The following AP2B1 variants were observed in gnomAD, a reference collection of about 807,000 sequenced individuals.
AP2B1 encodes the protein AP-2 complex subunit beta.
AP2B1 carries 23 observed loss-of-function variants against 102.0 expected under a neutral mutation model. The observed-to-expected ratio is 0.23, with a 90% CI of 0.16 to 0.32. The LOEUF (loss-of-function observed/expected upper bound fraction) is 0.32. AP2B1 is among the 10% of genes least tolerant of loss of function. The probability of loss-of-function intolerance (pLI) is 1.00; values close to 1 mark genes in which losing one functional copy is unlikely to be tolerated. For synonymous variants in AP2B1, 381 were observed against 421.2 expected, an observed-to-expected ratio of 0.90 and a Z score of 1.17; for missense variants, 541 against 1,157.4, an observed-to-expected ratio of 0.47 and a Z score of 7.73.
intron 21 of AP2B1, among the ~76,000 whole-genome samples, chr17:35,717,980 A>G (rs2085228694): frequency 6.6e-6 from 1 of 152,226 alleles, no homozygotes. Context: ...AGCACTAGGC[A>G]TTTGTTTGCT....
At chr17:35,629,491 C>G (rs1204223626) in intron 9 of AP2B1, among the ~76,000 whole-genome samples, 1 of 152,000 alleles carries the variant, frequency 6.6e-6, no homozygotes, top group Non-Finnish European at 1.5e-5. Flanking sequence ...TTGCATTGCT[C>G]TTTTTGTGGT....
At chr17:35,711,609 C>T (rs1347228459) in intron 20 of AP2B1, among the ~76,000 whole-genome samples, 1 of 152,124 alleles carries the variant, frequency 6.6e-6, no homozygotes, top group Non-Finnish European at 1.5e-5. Flanking sequence ...GCTGGGACTA[C>T]AGGCGCCAGC....
At chr17:35,598,673 A>G (rs564703378) in intron 3 of AP2B1, among the ~76,000 whole-genome samples, 1 of 152,374 alleles carries the variant, frequency 6.6e-6, no homozygotes, top group Admixed American at 6.5e-5. Flanking sequence ...ACTGAGAAGC[A>G]TAAGTTCACA....
intron 18 of AP2B1, among the ~76,000 whole-genome samples, chr17:35,686,965 A>T (rs770930661): frequency 1.6e-4 from 24 of 152,294 alleles, no homozygotes; most frequent in Non-Finnish European, 2.8e-4. Flanking sequence ...TGACAGAGCG[A>T]GACTCCGTCT....
At chr17:35,681,899 AT>A in intron 17 of AP2B1, among the ~76,000 whole-genome samples, 1 of 152,196 alleles carries the variant, frequency 6.6e-6, no homozygotes, top group Non-Finnish European at 1.5e-5. Flanking sequence ...AAAACAGAAA[AT>A]TATGATGTAA....
chr17:35,680,963 G>C (rs1258726238), intron 17 of AP2B1, among the ~76,000 whole-genome samples: 2 of 152,230 alleles, frequency 1.3e-5, no homozygotes, highest in East Asian at 3.9e-4. Context: ...CCAAAGTGCT[G>C]AGACTACAAT....
intron 1 of AP2B1, among the ~76,000 whole-genome samples, chr17:35,588,344 G>C (rs913050726): frequency 1.3e-5 from 2 of 151,990 alleles, no homozygotes; most frequent in African/African-American, 4.8e-5. Context: ...GTCTTACTGT[G>C]TAGCCCAGTC....
intron 17 of AP2B1, among the ~76,000 whole-genome samples, chr17:35,681,547 G>A (rs2075822503): frequency 6.6e-6 from 1 of 152,120 alleles, no homozygotes; most frequent in South Asian, 2.1e-4. Flanking sequence ...AGGACTACAG[G>A]CGTGTGCCAC....
intron 5 of AP2B1, among the ~76,000 whole-genome samples, chr17:35,611,397 C>A (rs1341994672): frequency 6.6e-6 from 1 of 152,154 alleles, no homozygotes; most frequent in Admixed American, 6.5e-5. Context: ...AATGTAAATT[C>A]TTTAATGCAG....
chr17:35,683,034 C>T (rs191182736), intron 18 of AP2B1, among the ~76,000 whole-genome samples: 8 of 152,204 alleles, frequency 5.3e-5, no homozygotes, highest in Admixed American at 2.0e-4. Context: ...CAAGCCACCA[C>T]GCCTGGCTAA....
At chr17:35,650,984 C>G in intron 13 of AP2B1, 195 bp downstream of exon 13, 4 of 570,476 alleles carry the variant, frequency 7.0e-6, no homozygotes, top group Non-Finnish European at 1.2e-5. Context: ...CATCTGAATA[C>G]CAGTGACCAC....
At position 35,709,251 on chromosome 17, in the gene AP2B1, T is replaced by C; in HGVS notation, c.2482T>C (p.Phe828Leu). The C allele has an allele frequency of 7.4e-6, 12 of 1,614,210 alleles. No homozygotes were observed. The highest frequency in any genetic ancestry group is 1.0e-5 in the Non-Finnish European group (12 of 1,180,030). ...GGCTGTGAAAAACAATATCGATGTC[T>C]TCTACTTCAGCTGCCTCATCCCACT... is the stretch of plus-strand genomic sequence containing the variant. ...QVAVKNNIDV[F>L]YFSCLIPLNV... Residue 828 changes from phenylalanine to leucine, a missense_variant, in exon 19 of 22, where the codon TTC becomes CTC. Around this residue, in one of 10 missense-constraint regions of AP2B1, gnomAD observed 117 missense variants for 206.7 expected, o/e 0.57. Transcript: ENST00000610402.
chr17:35,721,130 C>T (rs1483093849), intron 21 of AP2B1, among the ~76,000 whole-genome samples: 3 of 151,974 alleles, frequency 2.0e-5, no homozygotes, highest in Non-Finnish European at 4.4e-5. Flanking sequence ...TAATAAAACA[C>T]TTCTCCCCAA....
At chr17:35,674,408 A>C in intron 17 of AP2B1, 87 bp downstream of exon 17, 1 of 1,495,574 alleles carries the variant, frequency 6.7e-7, no homozygotes, top group Non-Finnish European at 9.2e-7. Context: ...CACTGGTTAA[A>C]AACTCACATA....
intron 16 of AP2B1, among the ~76,000 whole-genome samples, chr17:35,673,192 A>G (rs745825872): frequency 1.3e-5 from 2 of 152,062 alleles, no homozygotes; most frequent in Non-Finnish European, 2.9e-5. Flanking sequence ...TGGTCAGAAC[A>G]GCTCATGACT....
chr17:35,643,359 T>C (rs2074838449), intron 12 of AP2B1, among the ~76,000 whole-genome samples: 1 of 152,238 alleles, frequency 6.6e-6, no homozygotes, highest in Non-Finnish European at 1.5e-5. Context: ...CCTTTCTTCC[T>C]CTCTGCTTAC....
At chr17:35,615,992 G>C (rs899313930) in intron 5 of AP2B1, among the ~76,000 whole-genome samples, 1 of 151,958 alleles carries the variant, frequency 6.6e-6, no homozygotes, top group Non-Finnish European at 1.5e-5. Flanking sequence ...TGGTCTGAGT[G>C]TATTTCTGTC....
intron 12 of AP2B1, among the ~76,000 whole-genome samples, chr17:35,646,877 C>T (rs2074949145): frequency 6.6e-6 from 1 of 152,012 alleles, no homozygotes; most frequent in Non-Finnish European, 1.5e-5. Context: ...AGCCACCGTG[C>T]CTGGCTGAGA....
At chr17:35,590,678 A>G (rs972960433) in intron 1 of AP2B1, among the ~76,000 whole-genome samples, 1 of 152,196 alleles carries the variant, frequency 6.6e-6, no homozygotes, top group Admixed American at 6.5e-5. Context: ...AGGCTTCTAA[A>G]GATACTTGAC....
Sources: gnomAD v4.1 joint callset for allele counts (sites outside exome capture counted in the v4.1 genomes callset) on GRCh38, gnomAD v4.1.1 for gene constraint, gnomAD v4.1.1 regional missense constraint, MANE v1.5 for transcripts, NCBI Gene and HGNC (gene_info 2026-07-23, HGNC 2026-07-21) for gene names.